AFG1L: variants seen among roughly 807,000 people sequenced by gnomAD.
The protein encoded by AFG1L is AFG1-like ATPase.
Under a neutral mutation model 62.2 loss-of-function variants are expected in AFG1L, and 53 were observed. The ratio of observed to expected loss-of-function variants is 0.85; its 90% confidence interval spans 0.68 to 1.07. The LOEUF is 1.07. Ranked by LOEUF, AFG1L falls within the 50% of genes least tolerant of loss-of-function variation. The pLI is 0.00. For synonymous variants in AFG1L, 228 were observed against 210.3 expected, an observed-to-expected ratio of 1.08 and a Z score of -0.73; for missense variants, 555 against 590.5, an observed-to-expected ratio of 0.94 and a Z score of 0.62.
intron 7 of AFG1L, among the ~76,000 whole-genome samples, chr6:108,425,083 G>A (rs1770753390): frequency 6.6e-6 from 1 of 152,094 alleles, no homozygotes; most frequent in African/African-American, 2.4e-5. Flanking sequence ...GTTATGCATA[G>A]TGACAGCTGA....
In AFG1L at chr6:108,387,970, C is replaced by A. The variant is rs926865222; in HGVS notation, c.749-14026C>A. On this transcript the variant is annotated intron_variant, in intron 6 of 12. Transcript: ENST00000368977. ...AGACCACAGTGAACTTAAATGAACT[C>A]TTTAAACAAATGAGTTGAATAATTC... 3 of 151,874 alleles carry A rather than the reference C, an allele frequency of 2.0e-5. No homozygotes were observed. In the East Asian group the frequency reaches 5.8e-4, roughly 29 times the overall value. 9.4% of individuals were successfully genotyped at this position (151,874 alleles called of 1,614,324 possible). A position where few individuals can be genotyped will look rare whatever the true frequency, so the allele number is the denominator to read the frequency against.
At chr6:108,460,127 T>C (rs1052718775) in intron 8 of AFG1L, among the ~76,000 whole-genome samples, 3 of 152,116 alleles carry the variant, frequency 2.0e-5, no homozygotes, top group African/African-American at 2.4e-5. Flanking sequence ...TTTCATGACA[T>C]TGAGGAATTA....
At chr6:108,368,443 T>G (rs1779851046) in intron 6 of AFG1L, among the ~76,000 whole-genome samples, 2 of 152,188 alleles carry the variant, frequency 1.3e-5, no homozygotes, top group Non-Finnish European at 1.5e-5. Flanking sequence ...TTCAAACAAT[T>G]ATAGTCATAC....
chr6:108,487,662 AAAGGCTCCAACAAGAT>A (rs1230405043), intron 10 of AFG1L, among the ~76,000 whole-genome samples: 1 of 152,200 alleles, frequency 6.6e-6, no homozygotes, highest in African/African-American at 2.4e-5. Flanking sequence ...TAAGGGTTGG[AAAGGCTCCAACAAGAT>A]ATGAGATTTA....
At chr6:108,381,278 A>G (rs1780503560) in intron 6 of AFG1L, among the ~76,000 whole-genome samples, 1 of 152,154 alleles carries the variant, frequency 6.6e-6, no homozygotes, top group Admixed American at 6.5e-5. Context: ...CTTCAAGTAA[A>G]TTATTCATTC....
intron 11 of AFG1L, among the ~76,000 whole-genome samples, chr6:108,512,907 C>A (rs6936586): frequency 0.67 from 101,843 of 152,060 alleles, 36,117 homozygotes; most frequent in African/African-American, 0.92. Context: ...AGATTTGTGA[C>A]AGAAGGATAT....
At chr6:108,408,718 A>G (rs967498387) in intron 7 of AFG1L, among the ~76,000 whole-genome samples, 9 of 152,146 alleles carry the variant, frequency 5.9e-5, no homozygotes, top group Non-Finnish European at 1.3e-4. Flanking sequence ...TGTTTTAGTT[A>G]TTTATTACAG....
At chr6:108,338,082 A>G (rs541738852) in intron 2 of AFG1L, among the ~76,000 whole-genome samples, 1 of 152,232 alleles carries the variant, frequency 6.6e-6, no homozygotes, top group South Asian at 2.1e-4. Context: ...GTTACTTGGG[A>G]GGCTAGGGTG....
Position 108,524,647 on chromosome 6 carries a change from A to G in AFG1L, c.*2222A>G, listed in dbSNP as rs963174082. 3.3e-5 allele frequency: 5 copies of G among 152,146 alleles called. No homozygotes were observed. Among genetic ancestry groups the G allele is most frequent in the Non-Finnish European group, 7.3e-5 (5 of 68,050 alleles). The allele number at this position is 152,146 out of a possible 1,614,324, so 9.4% of individuals were successfully genotyped here. A position where few individuals can be genotyped will look rare whatever the true frequency, so the allele number is the denominator to read the frequency against. ...CCCACTTCTGTGCCCCCAATCCGCA[A>G]TCTCCTTCCCCAGTTCCAGGGGCCT... On this transcript the variant is annotated 3_prime_UTR_variant, in exon 13 of 13. Transcript: ENST00000368977.
At chr6:108,494,683 A>T (rs1346297647) in intron 10 of AFG1L, among the ~76,000 whole-genome samples, 1 of 152,048 alleles carries the variant, frequency 6.6e-6, no homozygotes, top group Non-Finnish European at 1.5e-5. Context: ...GATTTCTCAT[A>T]TTGAGGTGCC....
At chr6:108,356,403 A>G (rs530306854) in intron 4 of AFG1L, among the ~76,000 whole-genome samples, 2 of 152,324 alleles carry the variant, frequency 1.3e-5, no homozygotes, top group South Asian at 2.1e-4. Flanking sequence ...GGATGTGTTG[A>G]TGCATCTAAT....
intron 7 of AFG1L, among the ~76,000 whole-genome samples, chr6:108,430,535 A>T (rs373326112): frequency 9.2e-5 from 14 of 152,168 alleles, no homozygotes; most frequent in African/African-American, 2.9e-4. Context: ...ACTGCTTCCC[A>T]CACCCATGAA....
chr6:108,351,826 T>C (rs1235573556), intron 3 of AFG1L, among the ~76,000 whole-genome samples: 2 of 151,486 alleles, frequency 1.3e-5, no homozygotes, highest in African/African-American at 4.9e-5. Context: ...ATTACCACCA[T>C]CCATTTTCAG....
intron 7 of AFG1L, among the ~76,000 whole-genome samples, chr6:108,437,903 C>T (rs539844687): frequency 1.3e-5 from 2 of 152,234 alleles, no homozygotes; most frequent in East Asian, 3.9e-4. Flanking sequence ...CAAGATTGTC[C>T]TGGTCAAATC....
intron 6 of AFG1L, among the ~76,000 whole-genome samples, chr6:108,386,093 A>G (rs1780750601): frequency 6.6e-6 from 1 of 152,122 alleles, no homozygotes; most frequent in African/African-American, 2.4e-5. Context: ...AGCCTGGGCA[A>G]CAGAATGAGA....
intron 10 of AFG1L, among the ~76,000 whole-genome samples, chr6:108,481,262 T>C (rs529668778): frequency 6.6e-6 from 1 of 152,310 alleles, no homozygotes; most frequent in South Asian, 2.1e-4. Flanking sequence ...AGCAGATCCA[T>C]CTCTGTGGAC....
intron 6 of AFG1L, among the ~76,000 whole-genome samples, chr6:108,396,730 A>G (rs553268095): frequency 6.6e-6 from 1 of 152,230 alleles, no homozygotes; most frequent in African/African-American, 2.4e-5. Context: ...ACCTCAAATG[A>G]TCCACCTGCC....
chr6:108,373,558 GGATTGCTGGGTCAAATGGTAGTTCTGA>G (rs1306394354), intron 6 of AFG1L, among the ~76,000 whole-genome samples: 2 of 151,896 alleles, frequency 1.3e-5, no homozygotes, highest in East Asian at 1.9e-4. Context: ...CCCAGTAATG[GGATTGCTGGGTCAAATGGTAGTTCTGA>G]GATTTTTTTT....
At chr6:108,346,870 C>T in intron 2 of AFG1L, 118 bp from the exon 3 acceptor site, 1 of 716,556 alleles carries the variant, frequency 1.4e-6, no homozygotes, top group Non-Finnish European at 2.4e-6. Context: ...TTTTTTCTTA[C>T]TTATTGTATA....
Sources: allele counts gnomAD v4.1 joint callset (sites outside exome capture counted in the v4.1 genomes callset), GRCh38; gene constraint gnomAD v4.1.1; transcripts MANE v1.5; gene names NCBI Gene and HGNC (gene_info 2026-07-23, HGNC 2026-07-21).